NME8: variants seen among roughly 807,000 people sequenced by gnomAD.
NME8 encodes NME/NM23 family member 8, also known as protein NME8.
NME8 carries 72 observed loss-of-function variants against 82.3 expected under a neutral mutation model. The observed-to-expected ratio is 0.87, with a 90% confidence interval of 0.72 to 1.06. The LOEUF (loss-of-function observed/expected upper bound fraction) is 1.06. Among genes scored for constraint, NME8 ranks in the 50% least tolerant of loss-of-function variants. The probability of loss-of-function intolerance (pLI) is 0.00; values close to 1 mark genes in which losing one functional copy is unlikely to be tolerated. For synonymous variants in NME8, 267 were observed against 228.5 expected, an observed-to-expected ratio of 1.17 and a Z score of -1.52; for missense variants, 712 against 685.4, an observed-to-expected ratio of 1.04 and a Z score of -0.43.
intron 15 of NME8, among the ~76,000 whole-genome samples, chr7:37,890,772 G>A (rs11765064): frequency 0.15 from 22,640 of 151,840 alleles, 2,012 homozygotes; most frequent in Middle Eastern, 0.24. Flanking sequence ...TTTTATAGCT[G>A]AATAATATTC....
At chr7:37,849,980 G>A (rs1320800130) in intron 2 of NME8, among the ~76,000 whole-genome samples, 1 of 151,912 alleles carries the variant, frequency 6.6e-6, no homozygotes, top group Non-Finnish European at 1.5e-5. Flanking sequence ...AACTAAAAGA[G>A]TATAATTGGA....
chr7:37,880,443 G>T (rs1299634385), intron 12 of NME8, among the ~76,000 whole-genome samples: 1 of 152,134 alleles, frequency 6.6e-6, no homozygotes, highest in Non-Finnish European at 1.5e-5. Flanking sequence ...AGCACCATTT[G>T]TTGACAAGAC....
intron 6 of NME8, 79 bp from the exon 7 acceptor site, chr7:37,861,949 G>A: frequency 1.1e-6 from 1 of 880,506 alleles, no homozygotes; most frequent in Non-Finnish European, 2.0e-6. Context: ...AGGGAGGGAT[G>A]ACTTAGTCCA....
chr7:37,895,682 A>G (rs901636395), intron 16 of NME8, among the ~76,000 whole-genome samples: 3 of 152,152 alleles, frequency 2.0e-5, no homozygotes, highest in Non-Finnish European at 4.4e-5. Flanking sequence ...AATGAATCAC[A>G]TGTACAGCAG....
intron 17 of NME8, 102 bp from the exon 18 acceptor site, chr7:37,900,142 G>T (rs1388158680): frequency 6.6e-6 from 1 of 152,192 alleles, no homozygotes; most frequent in African/African-American, 2.4e-5. Context: ...TCCCAGCTCT[G>T]TGATTTGTGT....
At chr7:37,889,401 TTTC>T (rs1448913746) in intron 15 of NME8, among the ~76,000 whole-genome samples, 1 of 151,730 alleles carries the variant, frequency 6.6e-6, no homozygotes. Flanking sequence ...CTAGTAGTTT[TTTC>T]TTATGTTCTT....
At chr7:37,896,660 T>G (rs1785233108) in intron 16 of NME8, among the ~76,000 whole-genome samples, 1 of 152,212 alleles carries the variant, frequency 6.6e-6, no homozygotes, top group African/African-American at 2.4e-5. Flanking sequence ...TTGACAAATA[T>G]TCTCTAGAAT....
At chr7:37,855,937 T>A (rs1172717732) in intron 5 of NME8, among the ~76,000 whole-genome samples, 1 of 147,580 alleles carries the variant, frequency 6.8e-6, no homozygotes, top group Non-Finnish European at 1.5e-5. Context: ...GAACTTCCTT[T>A]AAAAAAAAAA....
At chr7:37,882,244 T>G (rs1202805503) in intron 12 of NME8, among the ~76,000 whole-genome samples, 4 of 152,128 alleles carry the variant, frequency 2.6e-5, no homozygotes, top group African/African-American at 9.7e-5. Context: ...TACCAGCACC[T>G]TGGGAGGCCA....
At chr7:37,858,342 T>A (rs1312909000) in intron 6 of NME8, among the ~76,000 whole-genome samples, 3 of 152,102 alleles carry the variant, frequency 2.0e-5, no homozygotes, top group Non-Finnish European at 4.4e-5. Flanking sequence ...TTTCAAAGAG[T>A]TGAATCGCTG....
chr7:37,891,245 A>AT lies in NME8; in HGVS notation c.1399+2824dup, dbSNP rs954839817. On this transcript the variant is annotated intron_variant, in intron 15 of 17. Transcript: ENST00000199447. ...TCTGTAGGTTGTCTCTTCACTCTTG[A>AT]TTTTTTTCTTCACTATGCAGAATTT... 2.7e-3 allele frequency among the ~76,000 whole-genome samples: 405 copies of AT among 151,516 alleles called. 2 individuals carry two copies. Among genetic ancestry groups the AT allele is most frequent in the African/African-American group, 9.5e-3 (391 of 41,360 alleles).
At chr7:37,882,279 G>GAGATCA (rs1167539199) in intron 12 of NME8, among the ~76,000 whole-genome samples, 10 of 152,034 alleles carry the variant, frequency 6.6e-5, no homozygotes, top group African/African-American at 2.2e-4. Context: ...TTGAGCCCAG[G>GAGATCA]AGATCAAGAC....
At chr7:37,874,268 A>C (rs1784814925) in intron 11 of NME8, among the ~76,000 whole-genome samples, 6 of 152,228 alleles carry the variant, frequency 3.9e-5, no homozygotes, top group Admixed American at 3.9e-4. Flanking sequence ...CAGCTGATGA[A>C]GGACTCTAGA....
At chr7:37,884,255 C>T in intron 12 of NME8, 48 bp from the exon 13 acceptor site, 2 of 1,245,746 alleles carry the variant, frequency 1.6e-6, no homozygotes, top group Non-Finnish European at 2.4e-6. Context: ...GTGTACATAA[C>T]CAGTAATCTA....
In NME8 at chr7:37,863,445, C is replaced by A; in HGVS notation, c.437C>A (p.Ser146Ter). 1.9e-6 allele frequency: 3 copies of A among 1,598,836 alleles called. No homozygotes were observed. The highest frequency in any genetic ancestry group is 2.2e-5 in the South Asian group (2 of 90,728). The change falls in exon 8 of 18, where the codon TCA becomes TAA. Residue 146 changes from serine (S) to a stop codon, truncating the protein, a stop_gained. Coordinates refer to ENST00000199447, the MANE Select transcript of NME8 (RefSeq NM_016616.5). LOFTEE classifies it high-confidence loss of function. Reference protein sequence around the residue: ...VDSDSEVSEESPCESVQELYS... With the variant: ...VDSDSEVSEE ...TCAGATTCAGAAGTTAGTGAAGAAT[C>A]ACCATGTGAAAGTGTTCGTAAGTAA...
intron 15 of NME8, 108 bp from the exon 16 acceptor site, chr7:37,894,358 C>T (rs1785183185): frequency 1.7e-6 from 2 of 1,201,280 alleles, no homozygotes. Flanking sequence ...CCATGTTAAA[C>T]CACAATATGC....
chr7:37,885,388 G>A (rs1785026281), intron 14 of NME8, 136 bp downstream of exon 14: 2 of 706,078 alleles, frequency 2.8e-6, no homozygotes, highest in African/African-American at 1.8e-5. Flanking sequence ...GGGACGGAGT[G>A]GACTGCTTAT....
rs764828685 is a variant in NME8, at chr7:37,867,845, A to G, written c.765A>G (p.Gln255=). Residue 255 remains glutamine (Q), a synonymous_variant, in exon 11 of 18, where the codon CAA becomes CAG. Coordinates refer to ENST00000199447, the MANE Select transcript of NME8 (RefSeq NM_016616.5). ...DTEPNERSED[Q]PEVEAQVTPG... ...AACCTAACGAACGATCTGAGGATCA[A>G]CCTGAGGTCGAAGCCCAGGTTACAC... 6.2e-7 allele frequency: 1 copy of G among 1,613,790 alleles called. No individual in the cohort carries two copies. The highest frequency in any genetic ancestry group is 8.5e-7 in the Non-Finnish European group (1 of 1,179,886).
intron 10 of NME8, among the ~76,000 whole-genome samples, chr7:37,867,293 CT>C (rs533412624): frequency 2.2e-3 from 312 of 142,948 alleles, no homozygotes; most frequent in Middle Eastern, 7.1e-3. Flanking sequence ...AGGTATGTAG[CT>C]TTTTTTTTTT....
Sources: gnomAD v4.1 joint callset for allele counts (sites outside exome capture counted in the v4.1 genomes callset) on GRCh38, gnomAD v4.1.1 for gene constraint, MANE v1.5 for transcripts, NCBI Gene and HGNC (gene_info 2026-07-23, HGNC 2026-07-21) for gene names.